The following METTL15 variants were observed in gnomAD, a reference collection of about 807,000 sequenced individuals.
The protein encoded by METTL15 is 12S rRNA N(4)-cytidine methyltransferase METTL15.
In METTL15, 34 loss-of-function variants were observed where a neutral mutation model predicts 38.3. That is an observed-to-expected ratio of 0.89 (90% CI 0.68 to 1.18). The LOEUF is 1.18. Among genes scored for constraint, METTL15 ranks in the 50% most tolerant of loss-of-function variants. METTL15 has a pLI of 0.00. For missense variants in METTL15, 438 were observed against 498.4 expected (o/e 0.88, Z 1.15); for synonymous variants, 162 against 170.9 (o/e 0.95, Z 0.41).
chr11:28,155,661 G>C (rs1290276428), intron 3 of METTL15, among the ~76,000 whole-genome samples: 1 of 152,126 alleles, frequency 6.6e-6, no homozygotes, highest in Admixed American at 6.6e-5. Context: ...GCAGGGAAGA[G>C]GACAAGAGGT....
intron 6 of METTL15, among the ~76,000 whole-genome samples, chr11:28,487,494 A>T (rs1851448228): frequency 6.6e-6 from 1 of 152,196 alleles, no homozygotes. Context: ...AGATATTTAA[A>T]GTCCAGAAAG....
intron 4 of METTL15, among the ~76,000 whole-genome samples, chr11:28,284,953 G>A (rs1354651169): frequency 6.6e-6 from 1 of 152,076 alleles, no homozygotes; most frequent in African/African-American, 2.4e-5. Flanking sequence ...TTTGGCAAGG[G>A]CAGGACCAGG....
intron 6 of METTL15, among the ~76,000 whole-genome samples, chr11:28,326,992 T>C (rs970527892): frequency 5.3e-5 from 8 of 152,102 alleles, no homozygotes; most frequent in African/African-American, 1.9e-4. Context: ...TTTTACACGA[T>C]CTGCTTTGAC....
At chr11:28,252,540 C>T (rs1201797358) in intron 4 of METTL15, among the ~76,000 whole-genome samples, 1 of 152,084 alleles carries the variant, frequency 6.6e-6, no homozygotes, top group Non-Finnish European at 1.5e-5. Flanking sequence ...TATGTCTTCC[C>T]TTTAGTTGTA....
intron 6 of METTL15, among the ~76,000 whole-genome samples, chr11:28,326,616 G>T (rs564221524): frequency 2.6e-5 from 4 of 151,468 alleles, no homozygotes; most frequent in Non-Finnish European, 4.4e-5. Flanking sequence ...TCACTCTGTC[G>T]CCCAGGCTGG....
At chr11:28,208,050 C>T (rs1344568141) in intron 3 of METTL15, among the ~76,000 whole-genome samples, 1 of 151,996 alleles carries the variant, frequency 6.6e-6, no homozygotes, top group Non-Finnish European at 1.5e-5. Flanking sequence ...TTGATCGTTT[C>T]AAAAAACCAG....
chr11:28,494,256 C>T (rs1413929679), intron 6 of METTL15, among the ~76,000 whole-genome samples: 1 of 152,162 alleles, frequency 6.6e-6, no homozygotes, highest in Non-Finnish European at 1.5e-5. Flanking sequence ...ATCTATTCAC[C>T]ACCAACCCAC....
At chr11:28,134,340 T>C (rs1849441615) in intron 3 of METTL15, among the ~76,000 whole-genome samples, 1 of 152,196 alleles carries the variant, frequency 6.6e-6, no homozygotes, top group Non-Finnish European at 1.5e-5. Context: ...CTGGGTTCCC[T>C]ATTTGTATAA....
downstream of METTL15, among the ~76,000 whole-genome samples, chr11:28,334,560 A>C (rs974758771): frequency 4.6e-5 from 7 of 152,110 alleles, no homozygotes; most frequent in Non-Finnish European, 7.4e-5. Flanking sequence ...TATTTTTCTC[A>C]TAACCACAAT....
intron 5 of METTL15, among the ~76,000 whole-genome samples, chr11:28,296,105 T>C (rs185902085): frequency 7.0e-4 from 106 of 152,288 alleles, no homozygotes; most frequent in African/African-American, 2.4e-3. Context: ...TCTAGACTTG[T>C]TCAATACTGC....
intron 4 of METTL15, among the ~76,000 whole-genome samples, chr11:28,222,498 TC>T (rs1853285759): frequency 6.6e-6 from 1 of 152,220 alleles, no homozygotes. Flanking sequence ...CCCTTGCACT[TC>T]TGGGGTGAGG....
intron 6 of METTL15, among the ~76,000 whole-genome samples, chr11:28,453,642 C>A (rs954096120): frequency 2.3e-4 from 35 of 152,208 alleles, no homozygotes; most frequent in African/African-American, 8.2e-4. Flanking sequence ...GTTGACATCA[C>A]TTCTAACTAC....
At chr11:28,459,893 T>C (rs923888613) in intron 6 of METTL15, among the ~76,000 whole-genome samples, 19 of 152,106 alleles carry the variant, frequency 1.2e-4, no homozygotes, top group Non-Finnish European at 2.5e-4. Context: ...GAGAAATTTC[T>C]TGTGGCTTCT....
chr11:28,335,387 T>C (rs1273307403), downstream of METTL15, among the ~76,000 whole-genome samples: 1 of 152,204 alleles, frequency 6.6e-6, no homozygotes, highest in Admixed American at 6.5e-5. Context: ...ATTTAATCTC[T>C]TGAATTCTCA....
intron 3 of METTL15, among the ~76,000 whole-genome samples, chr11:28,158,617 A>G (rs1226048640): frequency 1.3e-5 from 2 of 152,188 alleles, no homozygotes; most frequent in East Asian, 1.9e-4. Flanking sequence ...GGGTTTGACT[A>G]TCCTGCACAC....
At chr11:28,283,006 T>C (rs534716556) in intron 4 of METTL15, among the ~76,000 whole-genome samples, 15 of 152,330 alleles carry the variant, frequency 9.8e-5, no homozygotes, top group African/African-American at 2.9e-4. Flanking sequence ...CTCAGTTGTG[T>C]ATGTCTGCAT....
Position 28,431,063 on chromosome 11 carries a change from G to A in METTL15, c.*424+6699G>A, listed in dbSNP as rs1346470835. 2.7e-3 allele frequency among the ~76,000 whole-genome samples: 135 copies of A among 50,582 alleles called. 37 individuals carry two copies. The highest frequency in any genetic ancestry group is 6.9e-3 in the African/African-American group (128 of 18,634). The allele number at this position is 50,582 out of a possible 152,430, so 33.2% of individuals were successfully genotyped here. A position where few individuals can be genotyped will look rare whatever the true frequency, so the allele number is the denominator to read the frequency against. Reference sequence around the variant, plus strand: ...AGCCCCCTGCCCGGCCAGCGGCCCCGTCCGGGAGGTGAGGGGCGCCTCTGC... The same window carrying A: ...AGCCCCCTGCCCGGCCAGCGGCCCCATCCGGGAGGTGAGGGGCGCCTCTGC... On this transcript the variant is annotated intron_variant and NMD_transcript_variant, in intron 6 of 7. Coordinates refer to the METTL15 transcript ENST00000532947.
downstream of METTL15, among the ~76,000 whole-genome samples, chr11:28,529,251 A>G: frequency 6.6e-6 from 1 of 152,094 alleles, no homozygotes; most frequent in East Asian, 1.9e-4. Flanking sequence ...AACACACTAG[A>G]CCGCAGCCTT....
chr11:28,430,195 A>G (rs1410957708), intron 6 of METTL15, among the ~76,000 whole-genome samples: 6 of 144,522 alleles, frequency 4.2e-5, no homozygotes, highest in South Asian at 4.5e-4. Flanking sequence ...GAGCGTCTCC[A>G]CCCGGCAGCC....
Sources: allele counts gnomAD v4.1 joint callset (sites outside exome capture counted in the v4.1 genomes callset), GRCh38; gene constraint gnomAD v4.1.1; transcripts MANE v1.5; gene names NCBI Gene and HGNC (gene_info 2026-07-23, HGNC 2026-07-21).